Variants in SEMA3B observed in about 807,000 individuals in gnomAD.
SEMA3B encodes semaphorin 3B.
In SEMA3B, 71 loss-of-function variants were observed where a neutral mutation model predicts 77.8. That is an observed-to-expected ratio of 0.91 (90% CI 0.75 to 1.11). The LOEUF is 1.11. Ranked by LOEUF, SEMA3B falls within the 50% of genes most tolerant of loss-of-function variation. The pLI is 0.00. For synonymous variants in SEMA3B, 470 were observed against 452.9 expected (o/e 1.04, Z -0.48); for missense variants, 968 against 1,056.8 (o/e 0.92, Z 1.17).
rs1553706243 is a variant in SEMA3B, at chr3:50,275,042, T to G, written c.1480T>G (p.Ser494Ala). Residue 494 changes from serine to alanine, a missense_variant, in exon 13 of 17, where the codon TCT (serine) becomes GCT (alanine). Transcript: ENST00000616701. The surrounding 1 kb of genome is among the most constrained non-coding windows in gnomAD (Gnocchi z 7.5). ...GGCCGCTGTCACCAGCATGCAAATT[T>G]CTTCCAAGAGGGTGAGTGACCAGGA... is the stretch of plus-strand genomic sequence containing the variant. ...DSAAVTSMQI[S>A]SKRHQLYVAS... 3 of 1,588,992 alleles carry G rather than the reference T, an allele frequency of 1.9e-6. No homozygotes were observed. The South Asian group carries it at 3.4e-5, about 18-fold the overall frequency.
At position 50,269,247 on chromosome 3, in the gene SEMA3B, C is replaced by T. The variant is rs782185211; in HGVS notation, c.7C>T (p.Arg3Trp). The T allele has an allele frequency of 6.7e-5, 103 of 1,535,732 alleles. 1 individual carries two copies. Among genetic ancestry groups the T allele is most frequent in the Middle Eastern group, 5.1e-4 (3 of 5,914 alleles). The change falls in exon 1 of 17, where the codon CGG becomes TGG. Residue 3 changes from arginine to tryptophan, a missense_variant. Coordinates refer to ENST00000616701, the MANE Select transcript of SEMA3B (RefSeq NM_001290060.2). This position sits in a 1 kb window ranked among gnomAD's most constrained non-coding sequence, Gnocchi z 4.0. MG[R>W]AGAAAVIPGL... ...AGCACCCTGAGCTGCTGAGATGGGG[C>T]GGGCCGGGGCTGCCGCCGTGATCCC...
Position 50,276,538 on chromosome 3 carries a change from G to C in SEMA3B, c.2082G>C (p.Gln694His). 6.5e-7 allele frequency: 1 copy of C among 1,535,890 alleles called. No individual in the cohort carries two copies. Among genetic ancestry groups the C allele is most frequent in the Non-Finnish European group, 8.7e-7 (1 of 1,145,766 alleles). Residue 694 changes from glutamine (Q) to histidine (H), a missense_variant, in exon 17 of 17, where the codon CAG (glutamine) becomes CAC (histidine). By Grantham distance (24) the Gln-to-His change is conservative (BLOSUM62 0). Coordinates refer to ENST00000616701, the MANE Select transcript of SEMA3B (RefSeq NM_001290060.2). This position sits in a 1 kb window ranked among gnomAD's most constrained non-coding sequence, Gnocchi z 5.8. Reference sequence around the variant, plus strand: ...AACTCTGGTACCGGGACTTTCTGCAGCTGGTGGAGCCGGGCGGAGGTGGCA... The same window carrying C: ...AACTCTGGTACCGGGACTTTCTGCACCTGGTGGAGCCGGGCGGAGGTGGCA... ...GPKLWYRDFL[Q>H]LVEPGGGGSA...
At chr3:50,268,597 C>A (rs1700961994), upstream of SEMA3B, among the ~76,000 whole-genome samples, 1 of 152,342 alleles carries the variant, frequency 6.6e-6, no homozygotes. Flanking sequence ...GCGCACATCA[C>A]AAGGGGACAC....
In SEMA3B at chr3:50,271,027, C is replaced by G. The variant is rs1553705251; in HGVS notation, c.450+18C>G. 6.3e-7 allele frequency: 1 copy of G among 1,591,168 alleles called. No homozygotes were observed. The highest frequency in any genetic ancestry group is 8.6e-7 in the Non-Finnish European group (1 of 1,168,770). On this transcript the variant is annotated intron_variant, in intron 4 of 16. Coordinates refer to ENST00000616701, the MANE Select transcript of SEMA3B (RefSeq NM_001290060.2). The stretch of plus-strand genomic sequence containing the variant: ...GGGCAGAGGTAAGGCCGGATCTAGG[C>G]AGGGAGGGAGGTCAGGAGGGTAAGA...
rs1701211386 is a variant in SEMA3B at position 50,275,655 on chromosome 3, C to G, written c.1705+40C>G. The G allele has an allele frequency of 1.2e-6, 2 of 1,613,278 alleles. No individual in the cohort carries two copies. The highest frequency in any genetic ancestry group is 3.3e-5 in the Admixed American group (2 of 59,994). ...TGCCCCTACCCTCAGCCCCAGAAGA[C>G]GCCCCACCTGCCCTGCCTTGCCTAA... On this transcript the variant is annotated intron_variant, in intron 15 of 16. Coordinates refer to ENST00000616701, the MANE Select transcript of SEMA3B (RefSeq NM_001290060.2). This position sits in a 1 kb window ranked among gnomAD's most constrained non-coding sequence, Gnocchi z 7.5.
In SEMA3B at chr3:50,269,246, G is replaced by A; in HGVS notation, c.6G>A (p.Gly2=). The change falls in exon 1 of 17, where the codon GGG becomes GGA. Residue 2 remains glycine (G), a synonymous_variant. Coordinates refer to ENST00000616701, the MANE Select transcript of SEMA3B (RefSeq NM_001290060.2). This position sits in a 1 kb window ranked among gnomAD's most constrained non-coding sequence, Gnocchi z 4.0. M[G]RAGAAAVIPG... ...GAGCACCCTGAGCTGCTGAGATGGG[G>A]CGGGCCGGGGCTGCCGCCGTGATCC... 2 of 1,535,970 alleles carry A rather than the reference G, an allele frequency of 1.3e-6. No homozygotes were observed. The highest frequency in any genetic ancestry group is 1.7e-6 in the Non-Finnish European group (2 of 1,146,244).
rs782525480 is a variant in SEMA3B at position 50,275,032 on chromosome 3, C to A, written c.1470C>A (p.Ser490Arg). 1.3e-4 allele frequency: 208 copies of A among 1,591,040 alleles called. No homozygotes were observed. Among genetic ancestry groups the A allele is most frequent in the Non-Finnish European group, 4.3e-5 (50 of 1,165,036 alleles). ...HVFEDSAAVT[S>R]MQISSKRHQL... ...CTCAGGACTCGGCCGCTGTCACCAGCATGCAAATTTCTTCCAAGAGGGTGA... is the reference window on the plus strand; with the variant it reads ...CTCAGGACTCGGCCGCTGTCACCAGAATGCAAATTTCTTCCAAGAGGGTGA... The change falls in exon 13 of 17, where the codon AGC becomes AGA. Residue 490 changes from serine (S) to arginine (R), a missense_variant. Physicochemically the swap from Ser to Arg is moderately radical, Grantham distance 110 (BLOSUM62 -1). Transcript: ENST00000616701. This position sits in a 1 kb window ranked among gnomAD's most constrained non-coding sequence, Gnocchi z 7.5.
In SEMA3B at chr3:50,276,185, C is replaced by A; in HGVS notation, c.1846-117C>A. ...CCTTAAAATGTGCGCCTGCGGGCAC[C>A]CCTTTCCCGCTCCACCTCGGCTCCC... On this transcript the variant is annotated intron_variant, in intron 16 of 16. Coordinates refer to ENST00000616701, the MANE Select transcript of SEMA3B (RefSeq NM_001290060.2). The surrounding 1 kb of genome is among the most constrained non-coding windows in gnomAD (Gnocchi z 5.8). The A allele has an allele frequency of 7.5e-7, 1 of 1,324,850 alleles. No homozygotes were observed. The highest frequency in any genetic ancestry group is 3.0e-5 in the Admixed American group (1 of 33,032). 82.1% of individuals were successfully genotyped at this position (1,324,850 alleles called of 1,614,324 possible).
Position 50,274,833 on chromosome 3 carries a change from A to T in SEMA3B, c.1358-10A>T. ...GCACCAATGGTCATTACCCCTTCTCATCCCTGCAGACGTTGGCACGGTGCT... is the reference window on the plus strand; with the variant it reads ...GCACCAATGGTCATTACCCCTTCTCTTCCCTGCAGACGTTGGCACGGTGCT... On this transcript the variant is annotated splice_polypyrimidine_tract_variant and intron_variant, in intron 11 of 16. Coordinates refer to ENST00000616701, the MANE Select transcript of SEMA3B (RefSeq NM_001290060.2). The surrounding 1 kb of genome is among the most constrained non-coding windows in gnomAD (Gnocchi z 4.7). The T allele has an allele frequency of 6.2e-7, 1 of 1,610,080 alleles. No individual in the cohort carries two copies. The highest frequency in any genetic ancestry group is 8.5e-7 in the Non-Finnish European group (1 of 1,179,422).
At position 50,274,953 on chromosome 3, in the gene SEMA3B, T is replaced by C; in HGVS notation, c.1449+19T>C. Reference sequence around the variant, plus strand: ...GTTTGAGGTGAGGCCTCACCCCCAGTCGCCCGGGACCCCCCCACCCCACTA... The same window carrying C: ...GTTTGAGGTGAGGCCTCACCCCCAGCCGCCCGGGACCCCCCCACCCCACTA... On this transcript the variant is annotated intron_variant, in intron 12 of 16. Transcript: ENST00000616701. This position sits in a 1 kb window ranked among gnomAD's most constrained non-coding sequence, Gnocchi z 4.7. 6.2e-7 allele frequency: 1 copy of C among 1,602,450 alleles called. No individual in the cohort carries two copies.
In SEMA3B at chr3:50,270,513, G is replaced by A. The variant is rs376842080; in HGVS notation, c.330+18G>A. ...ACATTGGTGTGAGTGCCAGCTGCCC[G>A]GGCCGGGAGTGGGGAGGGTCAGCCC... On this transcript the variant is annotated intron_variant, in intron 3 of 16. Coordinates refer to ENST00000616701, the MANE Select transcript of SEMA3B (RefSeq NM_001290060.2). This position sits in a 1 kb window ranked among gnomAD's most constrained non-coding sequence, Gnocchi z 4.7. 4.5e-5 allele frequency: 72 copies of A among 1,613,234 alleles called. No homozygotes were observed. Among genetic ancestry groups the A allele is most frequent in the South Asian group, 2.7e-4 (25 of 91,080 alleles).
chr3:50,263,850 G>C (rs782154631), upstream of SEMA3B, among the ~76,000 whole-genome samples: 2 of 151,972 alleles, frequency 1.3e-5, no homozygotes, highest in East Asian at 3.9e-4. Context: ...GGGCACAGAG[G>C]GTTGAGGACC....
In SEMA3B at chr3:50,276,457, G is replaced by T. The variant is rs781933349; in HGVS notation, c.2001G>T (p.Gln667His). The stretch of plus-strand genomic sequence containing the variant: ...CGCTGCACGTGTTGAGTGCTACGCA[G>T]GCCGAACGACTGGCGCGGGCCGAGG... ...RLSLHVLSATQAERLARAEEA... is the reference protein window; with the variant it reads ...RLSLHVLSATHAERLARAEEA... The change falls in exon 17 of 17, where the codon CAG becomes CAT. Residue 667 changes from glutamine to histidine, a missense_variant. Physicochemically the swap from Gln to His is conservative, Grantham distance 24 (BLOSUM62 0). Transcript: ENST00000616701. This position sits in a 1 kb window ranked among gnomAD's most constrained non-coding sequence, Gnocchi z 5.8. 5.6e-5 allele frequency: 86 copies of T among 1,533,582 alleles called. No individual in the cohort carries two copies. The highest frequency in any genetic ancestry group is 7.1e-5 in the Non-Finnish European group (81 of 1,144,538). 95.0% of individuals were successfully genotyped at this position (1,533,582 alleles called of 1,614,324 possible).
At chr3:50,263,763 G>T (rs1359017679), upstream of SEMA3B, among the ~76,000 whole-genome samples, 10 of 151,982 alleles carry the variant, frequency 6.6e-5, no homozygotes, top group Non-Finnish European at 1.3e-4. Flanking sequence ...AGTGCCAGGG[G>T]TGGGTTGGGG....
Position 50,274,428 on chromosome 3 carries a change from T to A in SEMA3B, c.1203T>A (p.Phe401Leu). 2 of 1,514,278 alleles carry A rather than the reference T, an allele frequency of 1.3e-6. No individual in the cohort carries two copies. Among genetic ancestry groups the A allele is most frequent in the Non-Finnish European group, 8.8e-7 (1 of 1,131,742 alleles). 93.8% of individuals were successfully genotyped at this position (1,514,278 alleles called of 1,614,324 possible). A position where few individuals can be genotyped will look rare whatever the true frequency, so the allele number is the denominator to read the frequency against. ...ACTTCCCAGACGATGTCATCCAGTT[T>A]GCGCGGAACCACCCCCTCATGTACA... ...TKDFPDDVIQFARNHPLMYNS... is the reference protein window; with the variant it reads ...TKDFPDDVIQLARNHPLMYNS... The change falls in exon 11 of 17, where the codon TTT (phenylalanine) becomes TTA (leucine). Residue 401 changes from phenylalanine (F) to leucine (L), a missense_variant. Transcript: ENST00000616701. The surrounding 1 kb of genome is among the most constrained non-coding windows in gnomAD (Gnocchi z 4.7).
Position 50,273,491 on chromosome 3 carries a change from G to T in SEMA3B, c.811-44G>T, listed in dbSNP as rs41291728. The T allele has an allele frequency of 2.5e-6, 4 of 1,609,158 alleles. No individual in the cohort carries two copies. In the African/African-American group the frequency reaches 4.0e-5, roughly 16 times the overall value. ...CCGGCGACCCTGCCCCTACCCCTTT[G>T]CCTGCCCTGGTCTCGCCCTCATCCC... On this transcript the variant is annotated intron_variant, in intron 7 of 16. Coordinates refer to ENST00000616701, the MANE Select transcript of SEMA3B (RefSeq NM_001290060.2). The surrounding 1 kb of genome is among the most constrained non-coding windows in gnomAD (Gnocchi z 6.5).
Position 50,276,769 on chromosome 3 carries a change from C to A in SEMA3B, c.*63C>A. Reference sequence around the variant, plus strand: ...ACAGGCGAGAGAGGAGCCAGACAGACCCTGAAAAGAAGGACGGGTTGGGGC... The same window carrying A: ...ACAGGCGAGAGAGGAGCCAGACAGAACCTGAAAAGAAGGACGGGTTGGGGC... On this transcript the variant is annotated 3_prime_UTR_variant, in exon 17 of 17. Coordinates refer to ENST00000616701, the MANE Select transcript of SEMA3B (RefSeq NM_001290060.2). This position sits in a 1 kb window ranked among gnomAD's most constrained non-coding sequence, Gnocchi z 5.8. 7.1e-7 allele frequency: 1 copy of A among 1,414,174 alleles called. No individual in the cohort carries two copies. The allele number at this position is 1,414,174 out of a possible 1,614,324, so 87.6% of individuals were successfully genotyped here.
chr3:50,275,122 GC>G lies in SEMA3B; in HGVS notation c.1491+73del, dbSNP rs1465008916. 9.9e-6 allele frequency: 15 copies of G among 1,513,470 alleles called. No homozygotes were observed. The African/African-American group carries it at 1.4e-4, about 14-fold the overall frequency. 93.8% of individuals were successfully genotyped at this position (1,513,470 alleles called of 1,614,324 possible). A position where few individuals can be genotyped will look rare whatever the true frequency, so the allele number is the denominator to read the frequency against. On this transcript the variant is annotated intron_variant, in intron 13 of 16. Transcript: ENST00000616701. The surrounding 1 kb of genome is among the most constrained non-coding windows in gnomAD (Gnocchi z 7.5). Reference sequence around the variant, plus strand: ...GTGCCTGGCGCGTCCCAAGCCTCTGGCCCCTTTTGGTAGTTTGCAGTCCCGG... The same window carrying G: ...GTGCCTGGCGCGTCCCAAGCCTCTGGCCCTTTTGGTAGTTTGCAGTCCCGG...
At position 50,273,136 on chromosome 3, in the gene SEMA3B, G is replaced by T; in HGVS notation, c.665-162G>T. The T allele has an allele frequency of 4.3e-6, 5 of 1,161,020 alleles. No individual in the cohort carries two copies. In the South Asian group the frequency reaches 8.1e-5, roughly 19 times the overall value. The allele number at this position is 1,161,020 out of a possible 1,614,324, so 71.9% of individuals were successfully genotyped here. A position where few individuals can be genotyped will look rare whatever the true frequency, so the allele number is the denominator to read the frequency against. On this transcript the variant is annotated intron_variant, in intron 6 of 16. Transcript: ENST00000616701. This position sits in a 1 kb window ranked among gnomAD's most constrained non-coding sequence, Gnocchi z 6.5. ...CGCAGGCCCTGATCCTTTGGATTCGGTCCGCGCAGAGCGCCAACTGGACAT... is the reference window on the plus strand; with the variant it reads ...CGCAGGCCCTGATCCTTTGGATTCGTTCCGCGCAGAGCGCCAACTGGACAT...
Sources: gnomAD v4.1 joint callset for allele counts (sites outside exome capture counted in the v4.1 genomes callset) on GRCh38, gnomAD v4.1.1 for gene constraint, Gnocchi (gnomAD v3.1) non-coding constraint, MANE v1.5 for transcripts, NCBI Gene and HGNC (gene_info 2026-07-23, HGNC 2026-07-21) for gene names.